The following THSD7B variants were observed in gnomAD, a reference collection of about 807,000 sequenced individuals.
THSD7B encodes thrombospondin type 1 domain containing 7B.
THSD7B carries 138 observed loss-of-function variants against 213.6 expected under a neutral mutation model. The ratio of observed to expected loss-of-function variants is 0.65; its 90% CI spans 0.56 to 0.74. THSD7B has a LOEUF of 0.74. Ranked by LOEUF, THSD7B falls within the 30% of genes least tolerant of loss-of-function variation. The probability of loss-of-function intolerance (pLI) is 0.00; values close to 1 mark genes in which losing one functional copy is unlikely to be tolerated. For synonymous variants in THSD7B, 742 were observed against 687.0 expected (o/e 1.08, Z -1.25); for missense variants, 1,931 against 1,991.5 (o/e 0.97, Z 0.58).
chr2:136,885,158 G>A (rs4954365), intron 2 of THSD7B, among the ~76,000 whole-genome samples: 150,684 of 152,264 alleles, frequency 0.99, 74,579 homozygotes, highest in East Asian at 1. Flanking sequence ...CCAGATAACT[G>A]TACTTTATTG....
chr2:137,613,201 G>T lies in THSD7B; in HGVS notation c.3424-2974G>T, dbSNP rs967918370. Reference sequence around the variant, plus strand: ...TAGTAATTTATTGGTGAAGAAACAGGCCACCTGTCCTATAAACATTTTCAG... The same window carrying T: ...TAGTAATTTATTGGTGAAGAAACAGTCCACCTGTCCTATAAACATTTTCAG... On this transcript the variant is annotated intron_variant, in intron 17 of 27. Transcript: ENST00000409968. Among the ~76,000 whole-genome samples the T allele has an allele frequency of 3.9e-5, 6 of 152,030 alleles. 1 individual carries two copies.
At chr2:136,863,408 C>T (rs1683284859) in intron 1 of THSD7B, among the ~76,000 whole-genome samples, 3 of 152,172 alleles carry the variant, frequency 2.0e-5, no homozygotes, top group Admixed American at 2.0e-4. Flanking sequence ...GATGTAATAT[C>T]ATGAAGTTAG....
chr2:137,370,631 G>A (rs1036931647), intron 12 of THSD7B, among the ~76,000 whole-genome samples: 1 of 151,986 alleles, frequency 6.6e-6, no homozygotes, highest in Non-Finnish European at 1.5e-5. Context: ...ACCATGCTTG[G>A]CTAATTTTTG....
At position 136,797,619 on chromosome 2, in the gene THSD7B, A is replaced by T. The variant is rs117366299; in HGVS notation, c.-36+31932A>T. On this transcript the variant is annotated intron_variant, in intron 1 of 27. Coordinates refer to ENST00000409968, the MANE Select transcript of THSD7B (RefSeq NM_001316349.2). ...GTGAAATGGAAAGCAGTACAATTTCATGCACATTTTAATCATTTTTATTGA... is the reference window on the plus strand; with the variant it reads ...GTGAAATGGAAAGCAGTACAATTTCTTGCACATTTTAATCATTTTTATTGA... Among the ~76,000 whole-genome samples, 10 of 152,114 alleles carry T rather than the reference A, an allele frequency of 6.6e-5. No individual in the cohort carries two copies. The East Asian group carries it at 1.4e-3, about 21-fold the overall frequency.
At chr2:137,645,529 C>T (rs1573762962) in intron 21 of THSD7B, among the ~76,000 whole-genome samples, 2 of 151,930 alleles carry the variant, frequency 1.3e-5, no homozygotes, top group Admixed American at 6.6e-5. Flanking sequence ...CTGTTGTTGT[C>T]GAAGGTATAA....
chr2:136,983,026 T>C (rs1187878650), intron 2 of THSD7B, among the ~76,000 whole-genome samples: 1 of 151,996 alleles, frequency 6.6e-6, no homozygotes, highest in Admixed American at 6.6e-5. Flanking sequence ...ACATGTGTAC[T>C]GAGAAGTGTT....
At chr2:137,436,461 GTTCCC>G (rs553792994) in intron 14 of THSD7B, among the ~76,000 whole-genome samples, 345 of 152,260 alleles carry the variant, frequency 2.3e-3, no homozygotes, top group African/African-American at 7.5e-3. Context: ...TCCAGAGCTT[GTTCCC>G]TATTCTGTGT....
At chr2:137,169,266 T>A (rs1680194598) in intron 6 of THSD7B, among the ~76,000 whole-genome samples, 1 of 150,364 alleles carries the variant, frequency 6.7e-6, no homozygotes. Flanking sequence ...AGGTAAGGAT[T>A]TTTAAGTGCT....
chr2:137,160,043 T>C (rs1679985024), intron 5 of THSD7B, among the ~76,000 whole-genome samples, 170 bp from the exon 6 acceptor site: 1 of 152,224 alleles, frequency 6.6e-6, no homozygotes, highest in Admixed American at 6.5e-5. Flanking sequence ...ACCAAAATAC[T>C]AGTCATGTGA....
intron 2 of THSD7B, among the ~76,000 whole-genome samples, chr2:136,972,372 G>A (rs1685419190): frequency 6.6e-6 from 1 of 152,122 alleles, no homozygotes; most frequent in African/African-American, 2.4e-5. Context: ...AGTTGCTCTA[G>A]CGAATAGGCA....
At chr2:137,136,630 G>A (rs891661031) in intron 5 of THSD7B, among the ~76,000 whole-genome samples, 11 of 152,132 alleles carry the variant, frequency 7.2e-5, no homozygotes, top group African/African-American at 2.2e-4. Flanking sequence ...GAGTATGTGT[G>A]TAACCTCTAG....
intron 1 of THSD7B, among the ~76,000 whole-genome samples, chr2:136,855,752 G>A (rs2558101): frequency 0.75 from 114,080 of 151,690 alleles, 43,125 homozygotes; most frequent in Middle Eastern, 0.85. Context: ...GATTACAGGC[G>A]TGAGCCATCA....
chr2:137,313,404 T>C (rs1365635238), intron 12 of THSD7B, among the ~76,000 whole-genome samples: 1 of 151,070 alleles, frequency 6.6e-6, no homozygotes, highest in African/African-American at 2.4e-5. Flanking sequence ...TGTGTGTTTC[T>C]GCACATGAGA....
chr2:136,985,883 C>G (rs987682443), intron 2 of THSD7B, among the ~76,000 whole-genome samples: 1 of 152,220 alleles, frequency 6.6e-6, no homozygotes, highest in Non-Finnish European at 1.5e-5. Context: ...CTTTGGGAGC[C>G]CACTCCTTGC....
chr2:137,623,982 A>G (rs1682572168), intron 20 of THSD7B, among the ~76,000 whole-genome samples: 2 of 152,234 alleles, frequency 1.3e-5, no homozygotes, highest in Admixed American at 6.5e-5. Context: ...AAACTACTTT[A>G]AAGTTCGTAT....
chr2:137,635,265 T>A (rs925964496), intron 20 of THSD7B, among the ~76,000 whole-genome samples: 8 of 152,200 alleles, frequency 5.3e-5, no homozygotes, highest in Non-Finnish European at 7.3e-5. Flanking sequence ...CAATGGGCAT[T>A]GCTCATTCAG....
At chr2:136,842,080 G>T (rs571997742) in intron 1 of THSD7B, among the ~76,000 whole-genome samples, 1 of 152,172 alleles carries the variant, frequency 6.6e-6, no homozygotes, top group African/African-American at 2.4e-5. Context: ...AGGCAGCTAC[G>T]TCTGTGGAAG....
At chr2:137,548,130 T>A (rs150844689) in intron 15 of THSD7B, among the ~76,000 whole-genome samples, 5 of 152,144 alleles carry the variant, frequency 3.3e-5, no homozygotes, top group African/African-American at 9.6e-5. Context: ...CAAATACCCA[T>A]GCGTTTCTGC....
intron 17 of THSD7B, among the ~76,000 whole-genome samples, chr2:137,597,878 A>G (rs1169576496): frequency 2.0e-5 from 3 of 152,124 alleles, no homozygotes; most frequent in African/African-American, 7.2e-5. Flanking sequence ...TACATTCTCT[A>G]TATCTAGAGA....
Sources: allele counts gnomAD v4.1 joint callset (sites outside exome capture counted in the v4.1 genomes callset), GRCh38; gene constraint gnomAD v4.1.1; transcripts MANE v1.5; gene names NCBI Gene and HGNC (gene_info 2026-07-23, HGNC 2026-07-21).